SPAG9: variants seen among roughly 807,000 people sequenced by gnomAD.
SPAG9 encodes the protein sperm associated antigen 9.
SPAG9 carries 35 observed loss-of-function variants against 166.5 expected under a neutral mutation model. The observed-to-expected ratio is 0.21, with a 90% CI of 0.16 to 0.28. The LOEUF (loss-of-function observed/expected upper bound fraction) is 0.28. Ranked by LOEUF, SPAG9 falls within the 10% of genes least tolerant of loss-of-function variation. The probability of loss-of-function intolerance (pLI) is 1.00; values close to 1 mark genes in which losing one functional copy is unlikely to be tolerated. For missense variants in SPAG9, 1,235 were observed against 1,603.3 expected, an observed-to-expected ratio of 0.77 and a Z score of 3.92; for synonymous variants, 534 against 565.5, an observed-to-expected ratio of 0.94 and a Z score of 0.79.
At position 50,992,525 on chromosome 17, in the gene SPAG9, G is replaced by A. The variant is rs545217992; in HGVS notation, c.2398+1239C>T. ...GCCTACAAAAAGTACAAACAACTTA[G>A]CCAGGTGTGGTAGTGTGCGCCTGTG... On this transcript the variant is annotated intron_variant, in intron 19 of 29. Transcript: ENST00000262013. Among the ~76,000 whole-genome samples the A allele has an allele frequency of 1.6e-3, 236 of 152,220 alleles. 1 individual carries two copies. Among genetic ancestry groups the A allele is most frequent in the Non-Finnish European group, 2.7e-3 (187 of 68,008 alleles).
intron 2 of SPAG9, among the ~76,000 whole-genome samples, chr17:51,058,677 A>C (rs1023427737): frequency 5.9e-5 from 9 of 152,346 alleles, no homozygotes; most frequent in Middle Eastern, 3.4e-3. Flanking sequence ...CAAACTGCCA[A>C]GCAAAATGTG....
Position 51,005,197 on chromosome 17 carries a change from A to T in SPAG9, c.1476+15T>A, listed in dbSNP as rs754194436. The stretch of plus-strand genomic sequence containing the variant: ...ATGGTAAGGTAAGAAAAAAAGTCCA[A>T]AATTGTAAACCTACATCATCGTCAT... On this transcript the variant is annotated intron_variant, in intron 12 of 29. Transcript: ENST00000262013. 1.2e-6 allele frequency: 2 copies of T among 1,613,374 alleles called. No homozygotes were observed. Among genetic ancestry groups the T allele is most frequent in the Non-Finnish European group, 1.7e-6 (2 of 1,179,494 alleles).
Position 51,020,251 on chromosome 17 carries a change from A to G in SPAG9, c.999T>C (p.Ala333=). ...GAACTTCTGACTTTTCTTCATTTTC[A>G]GCAGAGCCTTAAAAAAGGACATGAT... ...QETRNVSTGS[A]ENEEKSEVQA... is the part of the protein sequence containing the mutation. The change falls in exon 8 of 30, where the codon GCT becomes GCC. Residue 333 remains alanine (A), a synonymous_variant. Transcript: ENST00000262013. 6.2e-7 allele frequency: 1 copy of G among 1,609,738 alleles called. No homozygotes were observed. Among genetic ancestry groups the G allele is most frequent in the East Asian group, 2.2e-5 (1 of 44,822 alleles).
chr17:51,020,840 C>T (rs1288139456), intron 7 of SPAG9, among the ~76,000 whole-genome samples: 1 of 152,140 alleles, frequency 6.6e-6, no homozygotes, highest in African/African-American at 2.4e-5. Context: ...TCAATATCCT[C>T]CCATATACTT....
chr17:51,024,197 T>A (rs893802776), intron 6 of SPAG9, among the ~76,000 whole-genome samples: 1 of 151,752 alleles, frequency 6.6e-6, no homozygotes, highest in Non-Finnish European at 1.5e-5. Flanking sequence ...GAGGCAGAGG[T>A]TGCAGTGAGC....
intron 1 of SPAG9, among the ~76,000 whole-genome samples, chr17:51,086,245 G>A (rs1036101706): frequency 6.6e-5 from 10 of 150,900 alleles, no homozygotes; most frequent in South Asian, 2.2e-4. Flanking sequence ...CTCCCAAAGC[G>A]CTGGGATTAC....
chr17:51,007,225 G>A (rs1297673960), intron 10 of SPAG9, 44 bp downstream of exon 10: 2 of 1,156,928 alleles, frequency 1.7e-6, no homozygotes, highest in Non-Finnish European at 2.5e-6. Context: ...ACTTGGACAA[G>A]AAGAAAATTC....
intron 9 of SPAG9, among the ~76,000 whole-genome samples, chr17:51,012,022 C>G (rs1289350011): frequency 6.6e-6 from 1 of 152,126 alleles, no homozygotes; most frequent in Non-Finnish European, 1.5e-5. Flanking sequence ...AAATTATATT[C>G]AGAATTACTT....
At chr17:51,007,407 A>G in intron 9 of SPAG9, 81 bp from the exon 10 acceptor site, 1 of 710,650 alleles carries the variant, frequency 1.4e-6, no homozygotes, top group South Asian at 2.4e-5. Context: ...CTATAGTCAC[A>G]AGTTTTATTT....
At chr17:51,093,556 G>T (rs1337687662) in intron 1 of SPAG9, among the ~76,000 whole-genome samples, 1 of 151,778 alleles carries the variant, frequency 6.6e-6, no homozygotes, top group East Asian at 1.9e-4. Context: ...TCAGCCAGGC[G>T]TGGTGGCGGG....
At chr17:51,010,345 T>C (rs181849987) in intron 9 of SPAG9, among the ~76,000 whole-genome samples, 21 of 152,250 alleles carry the variant, frequency 1.4e-4, no homozygotes, top group African/African-American at 4.6e-4. Context: ...ACTCAGTTGC[T>C]ATGTGCTAAA....
intron 9 of SPAG9, among the ~76,000 whole-genome samples, chr17:51,008,878 G>C (rs1057058826): frequency 3.3e-5 from 5 of 152,050 alleles, no homozygotes; most frequent in Admixed American, 3.3e-4. Flanking sequence ...ACAATGGCTG[G>C]GAATGTTAAC....
chr17:51,016,926 A>G (rs886714979), intron 8 of SPAG9, among the ~76,000 whole-genome samples: 4 of 152,270 alleles, frequency 2.6e-5, no homozygotes, highest in African/African-American at 9.6e-5. Context: ...ATAAAAAAAT[A>G]AATGAAATGT....
intron 19 of SPAG9, among the ~76,000 whole-genome samples, chr17:50,991,614 AG>A (rs1329733351): frequency 2.0e-4 from 30 of 151,596 alleles, no homozygotes; most frequent in Middle Eastern, 3.4e-3. Flanking sequence ...AACATTGTGT[AG>A]CCATCACCAT....
intron 19 of SPAG9, among the ~76,000 whole-genome samples, chr17:50,991,923 C>CT (rs1023810785): frequency 0.22 from 13,649 of 63,330 alleles, 2,697 homozygotes; most frequent in Non-Finnish European, 0.29. Flanking sequence ...CATGCCAGGT[C>CT]TTTTTTTTTT....
At chr17:51,031,472 C>A in intron 6 of SPAG9, 1 of 555,892 alleles carries the variant, frequency 1.8e-6, no homozygotes. Flanking sequence ...TTTAAAAATG[C>A]TTACTTTGGG....
At chr17:51,007,367 A>G in intron 9 of SPAG9, 41 bp from the exon 10 acceptor site, 1 of 1,095,160 alleles carries the variant, frequency 9.1e-7, no homozygotes, top group Non-Finnish European at 1.3e-6. Flanking sequence ...AAATAAATGC[A>G]TCAATAATTA....
intron 1 of SPAG9, among the ~76,000 whole-genome samples, chr17:51,098,946 A>T (rs1314989301): frequency 6.6e-6 from 1 of 151,928 alleles, no homozygotes; most frequent in South Asian, 2.1e-4. Flanking sequence ...CTAAAAATAC[A>T]AAAATTAGCC....
chr17:51,035,738 A>G (rs1568025632), intron 5 of SPAG9, among the ~76,000 whole-genome samples: 2 of 152,226 alleles, frequency 1.3e-5, no homozygotes, highest in African/African-American at 4.8e-5. Context: ...GAACTCTCTA[A>G]AATTTTCACA....
Sources: allele counts gnomAD v4.1 joint callset (sites outside exome capture counted in the v4.1 genomes callset), GRCh38; gene constraint gnomAD v4.1.1; transcripts MANE v1.5; gene names NCBI Gene and HGNC (gene_info 2026-07-23, HGNC 2026-07-21).